Variants in AP3M2 observed in about 807,000 individuals in gnomAD.
The protein encoded by AP3M2 is AP-3 complex subunit mu-2.
AP3M2 carries 28 observed loss-of-function variants against 41.6 expected under a neutral mutation model. That is an observed-to-expected ratio of 0.67 (90% CI 0.50 to 0.92). The LOEUF (loss-of-function observed/expected upper bound fraction) is 0.92. Among genes scored for constraint, AP3M2 ranks in the 40% least tolerant of loss-of-function variants. The pLI is 0.00. For missense variants in AP3M2, 427 were observed against 521.4 expected, an observed-to-expected ratio of 0.82 and a Z score of 1.76; for synonymous variants, 193 against 186.4, an observed-to-expected ratio of 1.04 and a Z score of -0.29.
intron 1 of AP3M2, chr8:42,153,501 GTC>G (rs893670043): frequency 6.5e-6 from 1 of 152,710 alleles, no homozygotes; most frequent in African/African-American, 2.4e-5. Context: ...CTGCCTGGCT[GTC>G]TCTCCCTCCT....
chr8:42,160,197 T>TA (rs1023752319), intron 3 of AP3M2, among the ~76,000 whole-genome samples: 1 of 152,156 alleles, frequency 6.6e-6, no homozygotes, highest in African/African-American at 2.4e-5. Flanking sequence ...TTCCAAAATT[T>TA]AAAAAAATAC....
At chr8:42,167,917 G>A in intron 8 of AP3M2, 107 bp downstream of exon 8, 2 of 1,339,732 alleles carry the variant, frequency 1.5e-6, no homozygotes, top group Non-Finnish European at 2.0e-6. Context: ...ACAAGGTTTA[G>A]TTTCATTACC....
At position 42,171,101 on chromosome 8, in the gene AP3M2, C is replaced by A. The variant is rs548205777; in HGVS notation, c.*2040C>A. 1 of 152,242 alleles carries A rather than the reference C, an allele frequency of 6.6e-6. No individual in the cohort carries two copies. The highest frequency in any genetic ancestry group is 6.5e-5 in the Admixed American group (1 of 15,284). The allele number at this position is 152,242 out of a possible 1,614,324, so 9.4% of individuals were successfully genotyped here. A position where few individuals can be genotyped will look rare whatever the true frequency, so the allele number is the denominator to read the frequency against. On this transcript the variant is annotated 3_prime_UTR_variant, in exon 9 of 9. Coordinates refer to ENST00000396926, the MANE Select transcript of AP3M2 (RefSeq NM_006803.4). The stretch of plus-strand genomic sequence containing the variant: ...CATAAGCAGTGCAGGGTGTCTCCAT[C>A]GAGCTGTTTGGTTCCATGTGTGTTT...
rs1259809988 is a variant in AP3M2, at chr8:42,154,865, T to G, written c.178T>G (p.Tyr60Asp). The change falls in exon 2 of 9, where the codon TAC (tyrosine) becomes GAC (aspartate). Residue 60 changes from tyrosine (Y) to aspartate (D), a missense_variant. Physicochemically the swap from Tyr to Asp is radical, Grantham distance 160 (BLOSUM62 -3). This residue lies in a region of AP3M2 where 104 missense variants were observed against 93.8 expected (regional missense o/e 1.11). Coordinates refer to ENST00000396926, the MANE Select transcript of AP3M2 (RefSeq NM_006803.4). ...PTPHHYLLSV[Y>D]RHKIFFVAVI... ...CCCTCACCACTATCTCTTAAGTGTT[T>G]ACCGCCACAAGATCTTTTTTGTGGC... 8 of 1,614,066 alleles carry G rather than the reference T, an allele frequency of 5.0e-6. No homozygotes were observed. The highest frequency in any genetic ancestry group is 6.8e-6 in the Non-Finnish European group (8 of 1,180,042).
rs113481990 is a variant in AP3M2, at chr8:42,158,042, C to T, written c.375C>T (p.Thr125=). 101 of 1,613,946 alleles carry T rather than the reference C, an allele frequency of 6.3e-5. No homozygotes were observed. In the East Asian group the frequency reaches 8.7e-4, roughly 14 times the overall value. ...EMLDNGFPLA[T]ESNILKELIK... is the part of the protein sequence containing the mutation. ...TTGACAATGGTTTTCCATTGGCTAC[C>T]GAGTCGAACATTCTTAAAGAACTCA... is the stretch of plus-strand genomic sequence containing the variant. Residue 125 remains threonine (T), a synonymous_variant, in exon 3 of 9, where the codon ACC becomes ACT. Coordinates refer to ENST00000396926, the MANE Select transcript of AP3M2 (RefSeq NM_006803.4).
chr8:42,159,908 C>T (rs143440161), intron 3 of AP3M2, among the ~76,000 whole-genome samples: 76 of 152,188 alleles, frequency 5.0e-4, no homozygotes, highest in African/African-American at 1.8e-3. Flanking sequence ...TCAAATATCA[C>T]GACACGTTAA....
In AP3M2 at chr8:42,165,144, A is replaced by G. The variant is rs937102155; in HGVS notation, c.657A>G (p.Thr219=). 5.0e-6 allele frequency: 8 copies of G among 1,613,906 alleles called. No homozygotes were observed. In the South Asian group the frequency reaches 7.7e-5, roughly 16 times the overall value. ...AGCTGACTGGCATGCCAGACCTTACACTTTCCTTCATGGTAAAATCCTGGG... is the reference window on the plus strand; with the variant it reads ...AGCTGACTGGCATGCCAGACCTTACGCTTTCCTTCATGGTAAAATCCTGGG... ...CVKLTGMPDL[T]LSFMNPRLLD... is the part of the protein sequence containing the mutation. The change falls in exon 5 of 9, where the codon ACA becomes ACG. Residue 219 remains threonine, a synonymous_variant. Transcript: ENST00000396926.
At chr8:42,166,612 T>TAAAAAAAAAAAAAAAAAAAAAA (rs1404448805) in intron 6 of AP3M2, among the ~76,000 whole-genome samples, 10 of 84,246 alleles carry the variant, frequency 1.2e-4, no homozygotes, top group African/African-American at 4.7e-4. Context: ...AAAAAAAAAG[T>TAAAAAAAAAAAAAAAAAAAAAA]AAAAATTAGC....
chr8:42,168,395 A>AGAT, intron 8 of AP3M2: 1 of 328,994 alleles, frequency 3.0e-6, no homozygotes, highest in South Asian at 2.5e-5. Context: ...TGTGGAAAGG[A>AGAT]GATGACTTTA....
chr8:42,160,668 T>C (rs1804484391), intron 3 of AP3M2, among the ~76,000 whole-genome samples: 1 of 152,236 alleles, frequency 6.6e-6, no homozygotes, highest in Non-Finnish European at 1.5e-5. Flanking sequence ...TGTGCAATAA[T>C]GTTTATTTCT....
At chr8:42,165,298 G>A (rs1804608993) in intron 5 of AP3M2, 129 bp from the exon 6 acceptor site, 2 of 1,433,018 alleles carry the variant, frequency 1.4e-6, no homozygotes, top group Non-Finnish European at 1.9e-6. Flanking sequence ...TTTTCTAGAA[G>A]TCACTACATG....
rs1377775022 is a variant in AP3M2, at chr8:42,171,154, T to A, written c.*2093T>A. ...CATGTGCAGAAGTAGCTTCTCTGTTTAAGTTTAATAAAGTTGAGTTTCACC... is the reference window on the plus strand; with the variant it reads ...CATGTGCAGAAGTAGCTTCTCTGTTAAAGTTTAATAAAGTTGAGTTTCACC... On this transcript the variant is annotated 3_prime_UTR_variant, in exon 9 of 9. Coordinates refer to ENST00000396926, the MANE Select transcript of AP3M2 (RefSeq NM_006803.4). 6.6e-6 allele frequency: 1 copy of A among 152,270 alleles called. No individual in the cohort carries two copies. Among genetic ancestry groups the A allele is most frequent in the Non-Finnish European group, 1.5e-5 (1 of 68,066 alleles). The allele number at this position is 152,270 out of a possible 1,614,324, so 9.4% of individuals were successfully genotyped here.
intron 3 of AP3M2, 138 bp downstream of exon 3, chr8:42,158,250 G>GTTTT: frequency 2.6e-5 from 6 of 228,658 alleles, no homozygotes; most frequent in Non-Finnish European, 2.6e-5. Flanking sequence ...CTTTGTAGTT[G>GTTTT]TTTTTTTTTT....
chr8:42,167,577 T>A (rs964984384), intron 7 of AP3M2, 89 bp from the exon 8 acceptor site: 61 of 1,495,258 alleles, frequency 4.1e-5, no homozygotes, highest in Non-Finnish European at 5.2e-5. Flanking sequence ...ACAGGTGCCC[T>A]GAGTTTAGAT....
At chr8:42,168,090 A>T in intron 8 of AP3M2, 1 of 555,326 alleles carries the variant, frequency 1.8e-6, no homozygotes, top group Non-Finnish European at 3.3e-6. Flanking sequence ...TTTTTGGATC[A>T]TCTTAGGGTT....
intron 1 of AP3M2, chr8:42,154,400 A>T (rs536578263): frequency 1.2e-5 from 4 of 330,154 alleles, no homozygotes; most frequent in Non-Finnish European, 1.7e-5. Context: ...AAATGGATGC[A>T]ATTTGGGCGA....
At chr8:42,168,831 C>T (rs1587919457) in intron 8 of AP3M2, 130 bp from the exon 9 acceptor site, 6 of 632,060 alleles carry the variant, frequency 9.5e-6, no homozygotes, top group African/African-American at 5.7e-5. Context: ...TCCATCTGCT[C>T]TGCATAAGTG....
rs1475355524 is a variant in AP3M2, at chr8:42,169,649, T to C, written c.*588T>C. The C allele has an allele frequency of 6.6e-6, 1 of 152,228 alleles. No homozygotes were observed. Among genetic ancestry groups the C allele is most frequent in the Non-Finnish European group, 1.5e-5 (1 of 68,044 alleles). The allele number at this position is 152,228 out of a possible 1,614,324, so 9.4% of individuals were successfully genotyped here. On this transcript the variant is annotated 3_prime_UTR_variant, in exon 9 of 9. Coordinates refer to ENST00000396926, the MANE Select transcript of AP3M2 (RefSeq NM_006803.4). ...GGTTTCTTTCTGATTCCTCTACTCATGTAGAAAACACTTGTACTTCTGGAA... is the reference window on the plus strand; with the variant it reads ...GGTTTCTTTCTGATTCCTCTACTCACGTAGAAAACACTTGTACTTCTGGAA...
chr8:42,169,848 A>C lies in AP3M2; in HGVS notation c.*787A>C, dbSNP rs867607009. 6.6e-6 allele frequency: 1 copy of C among 152,264 alleles called. No individual in the cohort carries two copies. Among genetic ancestry groups the C allele is most frequent in the East Asian group, 1.9e-4 (1 of 5,204 alleles). The allele number at this position is 152,264 out of a possible 1,614,324, so 9.4% of individuals were successfully genotyped here. Reference sequence around the variant, plus strand: ...TGAGAAGGTGACCCGCCTTCTTCCCATGGTGGCTGCCTAAAGTGCTTCTTT... The same window carrying C: ...TGAGAAGGTGACCCGCCTTCTTCCCCTGGTGGCTGCCTAAAGTGCTTCTTT... On this transcript the variant is annotated 3_prime_UTR_variant, in exon 9 of 9. Transcript: ENST00000396926.
Sources: gnomAD v4.1 joint callset for allele counts (sites outside exome capture counted in the v4.1 genomes callset) on GRCh38, gnomAD v4.1.1 for gene constraint, gnomAD v4.1.1 regional missense constraint, MANE v1.5 for transcripts, NCBI Gene and HGNC (gene_info 2026-07-23, HGNC 2026-07-21) for gene names.